Variants in ZNF341 observed in about 807,000 individuals in gnomAD.
ZNF341 encodes the protein zinc finger protein 341.
A neutral mutation model predicts 87.7 loss-of-function variants in ZNF341; 52 were observed. The ratio of observed to expected loss-of-function variants is 0.59; its 90% CI spans 0.47 to 0.75. The LOEUF is 0.75. Among genes scored for constraint, ZNF341 ranks in the 30% least tolerant of loss-of-function variants. ZNF341 has a pLI of 0.00. For synonymous variants in ZNF341, 459 were observed against 472.7 expected (o/e 0.97, Z 0.38); for missense variants, 977 against 1,145.9 (o/e 0.85, Z 2.13).
chr20:33,744,362 A>T (rs991555146), intron 2 of ZNF341, among the ~76,000 whole-genome samples: 4 of 152,112 alleles, frequency 2.6e-5, no homozygotes, highest in African/African-American at 9.7e-5. Context: ...AGTCAAGCTG[A>T]GGCTTGCAGA....
chr20:33,753,063 G>T, intron 4 of ZNF341, 109 bp from the exon 5 acceptor site: 1 of 1,504,700 alleles, frequency 6.6e-7, no homozygotes, highest in African/African-American at 1.4e-5. Context: ...GAGCTGTCTG[G>T]TAAGTAGCTG....
intron 9 of ZNF341, among the ~76,000 whole-genome samples, chr20:33,768,688 G>T (rs2019461679): frequency 1.3e-5 from 2 of 152,186 alleles, no homozygotes; most frequent in Non-Finnish European, 2.9e-5. Context: ...CTCCCAGCAT[G>T]TTAGGATTAC....
chr20:33,777,663 T>C (rs6088300), intron 10 of ZNF341, among the ~76,000 whole-genome samples: 49,567 of 150,136 alleles, frequency 0.33, 8,320 homozygotes, highest in Admixed American at 0.4. Context: ...GAAAAAGAAA[T>C]CAGGAAGTTA....
At chr20:33,734,586 C>T (rs980934949) in intron 1 of ZNF341, among the ~76,000 whole-genome samples, 1 of 152,130 alleles carries the variant, frequency 6.6e-6, no homozygotes, top group African/African-American at 2.4e-5. Context: ...TGAGGGAAGA[C>T]CCAAGTGGTG....
intron 12 of ZNF341, 28 bp downstream of exon 12, chr20:33,783,892 G>A (rs2019794149): frequency 2.5e-6 from 4 of 1,599,854 alleles, no homozygotes; most frequent in African/African-American, 1.4e-5. Flanking sequence ...GAGAACTCCA[G>A]CCCAGCCCCT....
chr20:33,764,561 A>ATATATATATATTTTTTTTTT (rs1266929824), intron 8 of ZNF341, among the ~76,000 whole-genome samples: 1 of 28,412 alleles, frequency 3.5e-5, no homozygotes, highest in African/African-American at 1.1e-4. Flanking sequence ...ATATATATAT[A>ATATATATATATTTTTTTTTT]TTTTTTTTTT....
chr20:33,776,635 C>T (rs371047665), intron 10 of ZNF341, among the ~76,000 whole-genome samples: 1 of 152,198 alleles, frequency 6.6e-6, no homozygotes, highest in East Asian at 1.9e-4. Context: ...GTCCACCTGC[C>T]TTGTTCTCCC....
intron 12 of ZNF341, among the ~76,000 whole-genome samples, chr20:33,786,295 C>T (rs953815093): frequency 1.3e-5 from 2 of 152,276 alleles, no homozygotes; most frequent in South Asian, 2.1e-4. Flanking sequence ...TGAGCCATCA[C>T]GCCCAGCCTA....
chr20:33,749,756 T>C (rs1568938457), intron 4 of ZNF341, among the ~76,000 whole-genome samples: 2 of 145,084 alleles, frequency 1.4e-5, no homozygotes, highest in African/African-American at 5.4e-5. Flanking sequence ...TTGTTTTTGT[T>C]CTTTTTTTTT....
Position 33,749,060 on chromosome 20 carries a change from C to T in ZNF341, c.477C>T (p.Pro159=). The T allele has an allele frequency of 2.5e-6, 4 of 1,613,726 alleles. No individual in the cohort carries two copies. The highest frequency in any genetic ancestry group is 3.4e-6 in the Non-Finnish European group (4 of 1,179,710). Residue 159 remains proline (P), a synonymous_variant, in exon 4 of 15, where the codon CCC becomes CCT. Coordinates refer to ENST00000375200, the MANE Select transcript of ZNF341 (RefSeq NM_001282933.2). Reference sequence around the variant, plus strand: ...TGGACCAGCCCATGCCCCAGGGCCCCCCACCTGTGCAGGTAAGAAGGTGTG... The same window carrying T: ...TGGACCAGCCCATGCCCCAGGGCCCTCCACCTGTGCAGGTAAGAAGGTGTG... ...TSLDQPMPQG[P]PPVQSSLNMH...
Position 33,757,307 on chromosome 20 carries a change from AC to A in ZNF341, c.904del (p.Arg302AspfsTer88). 1 of 1,588,776 alleles carries A rather than the reference AC, an allele frequency of 6.3e-7. No individual in the cohort carries two copies. The highest frequency in any genetic ancestry group is 8.6e-7 in the Non-Finnish European group (1 of 1,168,738). ...ATFDSPATLK[T>X]RRAKGARGLP... ...CTTTGACTCTCCAGCAACGCTGAAG[AC>A]CCGACGAGCTAAAGGTGCCAGGGGA... On this transcript the variant is annotated frameshift_variant, in exon 6 of 15. Transcript: ENST00000375200. LOFTEE classifies it high-confidence loss of function.
At chr20:33,757,622 T>C (rs1383813981) in intron 6 of ZNF341, among the ~76,000 whole-genome samples, 1 of 152,220 alleles carries the variant, frequency 6.6e-6, no homozygotes, top group Admixed American at 6.5e-5. Context: ...GTATCAGTTA[T>C]CCTGGTGCCT....
intron 9 of ZNF341, among the ~76,000 whole-genome samples, chr20:33,768,856 A>G (rs1461382174): frequency 1.3e-5 from 2 of 152,216 alleles, no homozygotes; most frequent in African/African-American, 4.8e-5. Flanking sequence ...GATTTTCGAG[A>G]TGTTAAAAAC....
chr20:33,764,541 G>A (rs1255166764), intron 8 of ZNF341, among the ~76,000 whole-genome samples: 2 of 80,322 alleles, frequency 2.5e-5, no homozygotes, highest in African/African-American at 1.2e-4. Context: ...GTGTGTGTAT[G>A]TGTATATATA....
chr20:33,760,102 G>A (rs867119199), intron 7 of ZNF341, among the ~76,000 whole-genome samples: 3 of 152,168 alleles, frequency 2.0e-5, no homozygotes, highest in Non-Finnish European at 4.4e-5. Flanking sequence ...TTTCTGTAGC[G>A]ATAGAAATGC....
At chr20:33,790,400 G>A (rs937374104) in intron 14 of ZNF341, among the ~76,000 whole-genome samples, 2 of 152,004 alleles carry the variant, frequency 1.3e-5, no homozygotes, top group African/African-American at 2.4e-5. Flanking sequence ...ATTTTGTCCT[G>A]GGGGCTGTCC....
intron 2 of ZNF341, among the ~76,000 whole-genome samples, chr20:33,744,667 C>T (rs1361114559): frequency 2.0e-5 from 3 of 152,156 alleles, no homozygotes; most frequent in Non-Finnish European, 4.4e-5. Flanking sequence ...TCTGGGCTCA[C>T]TGCAACCTCT....
chr20:33,755,372 G>A (rs999620211), intron 5 of ZNF341, among the ~76,000 whole-genome samples: 7 of 151,986 alleles, frequency 4.6e-5, no homozygotes, highest in African/African-American at 1.5e-4. Flanking sequence ...CTTTAGCCCA[G>A]GTTGGTCTCC....
chr20:33,778,441 G>C (rs1384273649), intron 10 of ZNF341, among the ~76,000 whole-genome samples: 1 of 152,118 alleles, frequency 6.6e-6, no homozygotes, highest in Non-Finnish European at 1.5e-5. Context: ...CTCCTGAGTA[G>C]CTGGGATTAC....
Sources: allele counts gnomAD v4.1 joint callset (sites outside exome capture counted in the v4.1 genomes callset), GRCh38; gene constraint gnomAD v4.1.1; transcripts MANE v1.5; gene names NCBI Gene and HGNC (gene_info 2026-07-23, HGNC 2026-07-21).